DRC11: variants seen among roughly 807,000 people sequenced by gnomAD.
DRC11 encodes IQ and AAA domain-containing protein 1.
chr2:236,362,594 A>C, the DRC11 span, among the ~76,000 whole-genome samples: 1 of 152,226 alleles, frequency 6.6e-6, no homozygotes, highest in Non-Finnish European at 1.5e-5. The surrounding 1 kb of genome is among the most constrained non-coding windows in gnomAD (Gnocchi z 5.7). Flanking sequence ...TCCAGTCAAC[A>C]GTAGGCTATT....
the DRC11 span, among the ~76,000 whole-genome samples, chr2:236,357,567 T>TA: frequency 8.1e-6 from 1 of 124,074 alleles, no homozygotes; most frequent in Non-Finnish European, 1.6e-5. Flanking sequence ...TTTACATATA[T>TA]GCATAGTTAT....
At chr2:236,381,241 G>T in the DRC11 span, among the ~76,000 whole-genome samples, 1 of 152,176 alleles carries the variant, frequency 6.6e-6, no homozygotes, top group Non-Finnish European at 1.5e-5. The surrounding 1 kb of genome is among the most constrained non-coding windows in gnomAD (Gnocchi z 5.8). Context: ...GAGTCCGCTG[G>T]TGTCTTGATC....
At chr2:236,364,739 G>T in the DRC11 span, among the ~76,000 whole-genome samples, 2 of 152,180 alleles carry the variant, frequency 1.3e-5, no homozygotes, top group Non-Finnish European at 2.9e-5. Flanking sequence ...TCTGGAAAGT[G>T]CTGTGATCAA....
the DRC11 span, among the ~76,000 whole-genome samples, chr2:236,462,950 A>G: frequency 1.2e-4 from 19 of 152,180 alleles, no homozygotes; most frequent in African/African-American, 4.3e-4. The surrounding 1 kb of genome is among the most constrained non-coding windows in gnomAD (Gnocchi z 6.4). Context: ...TGCTTTTTAA[A>G]ATTATTTATT....
chr2:236,502,186 G>C, the DRC11 span, among the ~76,000 whole-genome samples: 2 of 151,972 alleles, frequency 1.3e-5, no homozygotes, highest in Non-Finnish European at 1.5e-5. Flanking sequence ...AAGGACAAGG[G>C]GATACGTAAG....
the DRC11 span, among the ~76,000 whole-genome samples, chr2:236,414,523 G>A: frequency 1.1e-4 from 16 of 152,098 alleles, no homozygotes; most frequent in Non-Finnish European, 2.2e-4. Flanking sequence ...ATGGGGTCTC[G>A]CTGTGTTGCC....
At chr2:236,368,086 A>T in the DRC11 span, 1 of 743,848 alleles carries the variant, frequency 1.3e-6, no homozygotes, top group East Asian at 2.7e-5. Flanking sequence ...CAGTAGGAAA[A>T]GTTAAGGAGC....
At chr2:236,457,446 C>T in the DRC11 span, among the ~76,000 whole-genome samples, 21 of 152,290 alleles carry the variant, frequency 1.4e-4, no homozygotes, top group Non-Finnish European at 2.6e-4. This position sits in a 1 kb window ranked among gnomAD's most constrained non-coding sequence, Gnocchi z 4.7. Flanking sequence ...TCATTATGAA[C>T]GCTATTCATG....
At chr2:236,425,436 A>G in the DRC11 span, among the ~76,000 whole-genome samples, 1 of 151,962 alleles carries the variant, frequency 6.6e-6, no homozygotes, top group African/African-American at 2.4e-5. Context: ...GACCATTTGT[A>G]TGTCTTCTTT....
At chr2:236,390,920 A>T in the DRC11 span, among the ~76,000 whole-genome samples, 1 of 152,222 alleles carries the variant, frequency 6.6e-6, no homozygotes, top group African/African-American at 2.4e-5. The surrounding 1 kb of genome is among the most constrained non-coding windows in gnomAD (Gnocchi z 5.9). Context: ...TTCTTCCAAG[A>T]TAAAACTCAT....
the DRC11 span, among the ~76,000 whole-genome samples, chr2:236,432,907 C>G: frequency 6.6e-6 from 1 of 151,978 alleles, no homozygotes; most frequent in Non-Finnish European, 1.5e-5. Flanking sequence ...TTGTTTTATA[C>G]GTAAGTGTTT....
chr2:236,436,766 C>T, the DRC11 span, among the ~76,000 whole-genome samples: 1 of 152,100 alleles, frequency 6.6e-6, no homozygotes, highest in African/African-American at 2.4e-5. Flanking sequence ...AATGAGTTGA[C>T]TTATATAAAG....
At chr2:236,369,902 C>T in the DRC11 span, among the ~76,000 whole-genome samples, 3 of 152,082 alleles carry the variant, frequency 2.0e-5, no homozygotes, top group Non-Finnish European at 2.9e-5. This position sits in a 1 kb window ranked among gnomAD's most constrained non-coding sequence, Gnocchi z 4.5. Context: ...GGATAGAGGG[C>T]GTGAAAATGC....
At chr2:236,412,601 T>A in the DRC11 span, 3 of 152,248 alleles carry the variant, frequency 2.0e-5, no homozygotes, top group African/African-American at 7.2e-5. Flanking sequence ...CTTACCTCTG[T>A]TCCACTCAAG....
the DRC11 span, chr2:236,376,991 C>T: frequency 7.4e-6 from 5 of 678,394 alleles, no homozygotes; most frequent in Admixed American, 1.3e-4. This position sits in a 1 kb window ranked among gnomAD's most constrained non-coding sequence, Gnocchi z 5.7. Flanking sequence ...CCACCATCGG[C>T]CAGGTTTTGG....
chr2:236,456,657 T>A, the DRC11 span, among the ~76,000 whole-genome samples: 7 of 152,214 alleles, frequency 4.6e-5, no homozygotes, highest in Non-Finnish European at 8.8e-5. This position sits in a 1 kb window ranked among gnomAD's most constrained non-coding sequence, Gnocchi z 5.4. Flanking sequence ...AAAAGGAGTC[T>A]GCTAAAATCA....
At chr2:236,355,086 C>T in the DRC11 span, among the ~76,000 whole-genome samples, 3 of 152,230 alleles carry the variant, frequency 2.0e-5, no homozygotes, top group African/African-American at 7.2e-5. Flanking sequence ...CCACCCTGGG[C>T]CCCTCCCGGG....
the DRC11 span, among the ~76,000 whole-genome samples, chr2:236,425,346 G>A: frequency 6.6e-6 from 1 of 152,060 alleles, no homozygotes; most frequent in Non-Finnish European, 1.5e-5. Context: ...TTTGATAACA[G>A]CCATCCTAAG....
chr2:236,318,808 A>G, the DRC11 span, among the ~76,000 whole-genome samples: 1 of 152,250 alleles, frequency 6.6e-6, no homozygotes, highest in African/African-American at 2.4e-5. The surrounding 1 kb of genome is among the most constrained non-coding windows in gnomAD (Gnocchi z 7.0). Flanking sequence ...GGTTTCTGAA[A>G]TTAGCCCAGC....
Sources: allele counts gnomAD v4.1 joint callset (sites outside exome capture counted in the v4.1 genomes callset), GRCh38; gene constraint gnomAD v4.1.1; non-coding constraint Gnocchi (gnomAD v3.1); transcripts MANE v1.5; gene names NCBI Gene and HGNC (gene_info 2026-07-23, HGNC 2026-07-21).